The following PTPRJ variants were observed in gnomAD, a reference collection of about 807,000 sequenced individuals.
PTPRJ encodes receptor-type tyrosine-protein phosphatase eta.
Under a neutral mutation model 141.3 loss-of-function variants are expected in PTPRJ, and 129 were observed. That is an observed-to-expected ratio of 0.91 (90% CI 0.79 to 1.06). The LOEUF is 1.06. Ranked by LOEUF, PTPRJ falls within the 50% of genes least tolerant of loss-of-function variation. The pLI, the probability that PTPRJ is intolerant of heterozygous loss-of-function variation, is 0.00. For missense variants in PTPRJ, 1,601 were observed against 1,679.7 expected (o/e 0.95, Z 0.82); for synonymous variants, 610 against 640.5 (o/e 0.95, Z 0.72).
intron 1 of PTPRJ, among the ~76,000 whole-genome samples, chr11:48,057,163 G>A (rs1407499392): frequency 2.0e-5 from 3 of 152,128 alleles, no homozygotes; most frequent in African/African-American, 7.2e-5. Flanking sequence ...GATACAGACC[G>A]CCCCCCATTG....
At chr11:48,145,202 A>G (rs1393745422) in intron 14 of PTPRJ, 78 bp downstream of exon 14, 5 of 1,586,064 alleles carry the variant, frequency 3.2e-6, no homozygotes, top group Non-Finnish European at 4.3e-6. Context: ...AGCTGTGTAC[A>G]TGCCTCCCTC....
intron 1 of PTPRJ, among the ~76,000 whole-genome samples, chr11:48,026,709 A>G (rs1390386157): frequency 6.6e-6 from 1 of 151,820 alleles, no homozygotes; most frequent in Non-Finnish European, 1.5e-5. Context: ...TAGCCTCCCA[A>G]AGTGCTGGGA....
intron 1 of PTPRJ, among the ~76,000 whole-genome samples, chr11:48,038,421 T>C (rs1009163276): frequency 3.9e-5 from 6 of 152,106 alleles, no homozygotes; most frequent in African/African-American, 1.4e-4. Context: ...CTTTGGAGTT[T>C]TTTTTCTGAT....
Position 48,167,622 on chromosome 11 carries a change from G to T in PTPRJ, c.*260G>T, listed in dbSNP as rs1193204635. On this transcript the variant is annotated 3_prime_UTR_variant, in exon 25 of 25. Transcript: ENST00000418331. ...GTCACTTTTTTTTTTTTTCCCCCTT[G>T]AGGATTGTGGAAAACCAGGAAAAGG... is the stretch of plus-strand genomic sequence containing the variant. The T allele has an allele frequency of 3.0e-5, 10 of 329,876 alleles. No individual in the cohort carries two copies. The highest frequency in any genetic ancestry group is 4.3e-5 in the African/African-American group (2 of 46,752). 20.4% of individuals were successfully genotyped at this position (329,876 alleles called of 1,614,324 possible).
chr11:48,076,424 G>A (rs1456711207), intron 1 of PTPRJ, among the ~76,000 whole-genome samples: 3 of 152,164 alleles, frequency 2.0e-5, no homozygotes, highest in Admixed American at 2.0e-4. Context: ...GCTGATATAC[G>A]TAGAATCAAG....
chr11:48,164,558 A>ATTTTTTTTTTTTTTTTTT (rs60806872), intron 24 of PTPRJ, 43 bp downstream of exon 24: 1 of 715,256 alleles, frequency 1.4e-6, no homozygotes. Flanking sequence ...CTTCCCCTCC[A>ATTTTTTTTTTTTTTTTTT]TTTTTTTTTT....
chr11:48,060,551 G>A (rs548576127), intron 1 of PTPRJ, among the ~76,000 whole-genome samples: 1 of 152,328 alleles, frequency 6.6e-6, no homozygotes, highest in Non-Finnish European at 1.5e-5. Context: ...GAAGTCGGAA[G>A]CCAGTGAGGT....
Position 48,155,829 on chromosome 11 carries a change from C to A in PTPRJ, c.3258C>A (p.Val1086=). The A allele has an allele frequency of 6.2e-7, 1 of 1,608,866 alleles. No individual in the cohort carries two copies. The highest frequency in any genetic ancestry group is 2.2e-5 in the East Asian group (1 of 44,838). The stretch of plus-strand genomic sequence containing the variant: ...ATATTTCCCGTGTCAAACTTTCGGT[C>A]CAGACCCATTCAACGGATGACTACA... ...PYDISRVKLS[V]QTHSTDDYIN... is the part of the protein sequence containing the mutation. Residue 1086 remains valine (V), a synonymous_variant, in exon 20 of 25, where the codon GTC becomes GTA. Transcript: ENST00000418331.
At chr11:48,160,153 T>G (rs1351752296) in intron 22 of PTPRJ, 104 bp downstream of exon 22, 5 of 1,466,882 alleles carry the variant, frequency 3.4e-6, no homozygotes, top group Non-Finnish European at 4.7e-6. Flanking sequence ...TCCTATGCAG[T>G]GAGAAATGTT....
rs550701277 is a variant in PTPRJ at position 48,126,300 on chromosome 11, G to A, written c.1093+1114G>A. On this transcript the variant is annotated intron_variant, in intron 6 of 24. Coordinates refer to ENST00000418331, the MANE Select transcript of PTPRJ (RefSeq NM_002843.4). ...GTAGTGATTACATCTCAGGCTCTTG[G>A]TGGTGTGAATTCACACACATCCTGC... is the stretch of plus-strand genomic sequence containing the variant. 1.4e-4 allele frequency among the ~76,000 whole-genome samples: 22 copies of A among 152,046 alleles called. No individual in the cohort carries two copies. In the South Asian group the frequency reaches 4.4e-3, roughly 30 times the overall value.
intron 1 of PTPRJ, among the ~76,000 whole-genome samples, chr11:48,094,196 C>T (rs1424364730): frequency 6.6e-6 from 1 of 152,184 alleles, no homozygotes; most frequent in African/African-American, 2.4e-5. Context: ...CAGCAAGGAC[C>T]AAGTACAATG....
intron 8 of PTPRJ, 106 bp downstream of exon 8, chr11:48,130,822 G>GA: frequency 7.9e-7 from 1 of 1,260,776 alleles, no homozygotes; most frequent in Non-Finnish European, 1.0e-6. Context: ...AATTATCTAA[G>GA]AAAAAACTTT....
chr11:48,066,100 GT>G (rs1305974925), intron 1 of PTPRJ, among the ~76,000 whole-genome samples: 13 of 152,146 alleles, frequency 8.5e-5, no homozygotes, highest in African/African-American at 3.1e-4. Context: ...GAGCTCTATA[GT>G]CATGCCACTG....
chr11:48,073,452 A>G (rs867363368), intron 1 of PTPRJ, among the ~76,000 whole-genome samples: 89 of 152,308 alleles, frequency 5.8e-4, no homozygotes, highest in African/African-American at 2.0e-3. Context: ...TCTCATCTGT[A>G]AGATGGAGAG....
chr11:47,981,081 C>T (rs1318580705), intron 1 of PTPRJ, 73 bp downstream of exon 1: 3 of 1,184,654 alleles, frequency 2.5e-6, no homozygotes, highest in Non-Finnish European at 3.1e-6. Flanking sequence ...CCTGCCCGAG[C>T]GTACCCCCCC....
intron 1 of PTPRJ, among the ~76,000 whole-genome samples, chr11:48,085,672 A>C (rs909155267): frequency 2.4e-4 from 37 of 152,192 alleles, no homozygotes; most frequent in African/African-American, 8.4e-4. Flanking sequence ...ATTTATTATA[A>C]GCAAAAGCTC....
At chr11:48,149,658 A>T in intron 16 of PTPRJ, 170 bp downstream of exon 16, 1 of 557,878 alleles carries the variant, frequency 1.8e-6, no homozygotes, top group Non-Finnish European at 3.1e-6. Flanking sequence ...TCTATGTTTT[A>T]TTAGTCTCCT....
At chr11:48,140,165 G>T (rs1857198039) in intron 11 of PTPRJ, among the ~76,000 whole-genome samples, 1 of 152,142 alleles carries the variant, frequency 6.6e-6, no homozygotes, top group African/African-American at 2.4e-5. Flanking sequence ...CTCCTGAGTA[G>T]CTGGGACTAC....
Position 48,130,463 on chromosome 11 carries a change from T to G in PTPRJ, c.1362T>G (p.Pro454=), listed in dbSNP as rs1435515397. ...TTGTTTACTTTCTTTGCATAGCCCC[T>G]GTTCCAGTTTCTGACTTCCGAGTGA... The part of the protein sequence containing the change: ...TPGFLQVHTP[P]VPVSDFRVTV... The change falls in exon 8 of 25, where the codon CCT becomes CCG. Residue 454 remains proline, a synonymous_variant. Coordinates refer to ENST00000418331, the MANE Select transcript of PTPRJ (RefSeq NM_002843.4). The G allele has an allele frequency of 4.3e-6, 7 of 1,610,934 alleles. No individual in the cohort carries two copies. The highest frequency in any genetic ancestry group is 5.9e-6 in the Non-Finnish European group (7 of 1,177,826).
Sources: allele counts gnomAD v4.1 joint callset (sites outside exome capture counted in the v4.1 genomes callset), GRCh38; gene constraint gnomAD v4.1.1; transcripts MANE v1.5; gene names NCBI Gene and HGNC (gene_info 2026-07-23, HGNC 2026-07-21).